The following TBC1D19 variants were observed in gnomAD, a reference collection of about 807,000 sequenced individuals.
TBC1D19 encodes TBC1 domain family, member 19.
A neutral mutation model predicts 89.0 loss-of-function variants in TBC1D19; 60 were observed. The ratio of observed to expected loss-of-function variants is 0.67; its 90% CI spans 0.55 to 0.84. TBC1D19 has a LOEUF of 0.84. TBC1D19 is among the 40% of genes least tolerant of loss of function. The pLI is 0.00. For synonymous variants in TBC1D19, 189 were observed against 199.7 expected (o/e 0.95, Z 0.45); for missense variants, 500 against 610.8 (o/e 0.82, Z 1.91).
intron 10 of TBC1D19, among the ~76,000 whole-genome samples, chr4:26,672,594 C>T (rs1712418454): frequency 1.3e-5 from 2 of 151,998 alleles, no homozygotes. Context: ...TAATGGTTCC[C>T]AGTGACCATT....
rs574363830 is a variant in TBC1D19, at chr4:26,628,245, G to T, written c.294+7557G>T. Among the ~76,000 whole-genome samples, 25 of 152,188 alleles carry T rather than the reference G, an allele frequency of 1.6e-4. No individual in the cohort carries two copies. The South Asian group carries it at 4.8e-3, about 29-fold the overall frequency. On this transcript the variant is annotated intron_variant, in intron 4 of 20. Transcript: ENST00000264866. The stretch of plus-strand genomic sequence containing the variant: ...GGCCCTGTTCTGTTCCATCGATCTA[G>T]ATCTCTGTTTTGGTACCAGTACCAT...
At chr4:26,637,110 A>G in intron 4 of TBC1D19, 101 bp from the exon 5 acceptor site, 1 of 834,976 alleles carries the variant, frequency 1.2e-6, no homozygotes, top group Non-Finnish European at 1.9e-6. Context: ...ACCAATCTCA[A>G]CCAGCCTTAC....
At chr4:26,717,131 G>A (rs1169463514) in intron 13 of TBC1D19, among the ~76,000 whole-genome samples, 1 of 151,962 alleles carries the variant, frequency 6.6e-6, no homozygotes, top group African/African-American at 2.4e-5. Context: ...TGGACACAAG[G>A]ATTTTTCCTC....
intron 11 of TBC1D19, among the ~76,000 whole-genome samples, chr4:26,678,249 G>A (rs757491420): frequency 2.4e-4 from 37 of 152,218 alleles, no homozygotes; most frequent in Non-Finnish European, 5.4e-4. Flanking sequence ...TTATGCTTTA[G>A]CAAAGAGACT....
intron 15 of TBC1D19, among the ~76,000 whole-genome samples, chr4:26,725,224 T>C (rs1384132521): frequency 6.6e-6 from 1 of 152,202 alleles, no homozygotes. Context: ...ACTAAAATTC[T>C]TTCTTCATTA....
At chr4:26,683,029 T>C (rs753129731) in intron 11 of TBC1D19, among the ~76,000 whole-genome samples, 1 of 152,182 alleles carries the variant, frequency 6.6e-6, no homozygotes, top group African/African-American at 2.4e-5. Context: ...CACTGTAACC[T>C]CAAACTCCTG....
At chr4:26,845,016 C>T in the TBC1D19 span, among the ~76,000 whole-genome samples, 1 of 152,066 alleles carries the variant, frequency 6.6e-6, no homozygotes, top group Non-Finnish European at 1.5e-5. Flanking sequence ...TTATAACAGA[C>T]CATTTTCCTA....
intron 13 of TBC1D19, among the ~76,000 whole-genome samples, chr4:26,711,212 G>A (rs1332312093): frequency 6.6e-6 from 1 of 152,106 alleles, no homozygotes; most frequent in East Asian, 1.9e-4. Context: ...TAAGGTGTAA[G>A]GAAGGGATCC....
chr4:26,849,575 C>T, the TBC1D19 span, among the ~76,000 whole-genome samples: 24 of 152,130 alleles, frequency 1.6e-4, no homozygotes, highest in Non-Finnish European at 8.8e-5. Flanking sequence ...AATCTGTCTC[C>T]ATCATTAGAT....
intron 15 of TBC1D19, among the ~76,000 whole-genome samples, chr4:26,724,670 G>C (rs1297178907): frequency 6.6e-6 from 1 of 152,096 alleles, no homozygotes; most frequent in Non-Finnish European, 1.5e-5. Flanking sequence ...CTGGGTATTG[G>C]GGCACTCCTT....
At chr4:26,671,321 T>C (rs936272488) in intron 9 of TBC1D19, among the ~76,000 whole-genome samples, 1 of 151,780 alleles carries the variant, frequency 6.6e-6, no homozygotes, top group African/African-American at 2.4e-5. Flanking sequence ...TTATTGGTCC[T>C]TCAGGTCACT....
intron 1 of TBC1D19, 27 bp from the exon 2 acceptor site, chr4:26,613,142 C>T: frequency 1.4e-6 from 2 of 1,413,772 alleles, no homozygotes; most frequent in Non-Finnish European, 1.9e-6. Flanking sequence ...CCTTATCTTT[C>T]TTTTTTATTA....
At chr4:26,668,961 ATGCAT>A in intron 9 of TBC1D19, among the ~76,000 whole-genome samples, 1 of 147,186 alleles carries the variant, frequency 6.8e-6, no homozygotes, top group African/African-American at 2.5e-5. Context: ...TCTCATGAAC[ATGCAT>A]TGCATTTATT....
intron 7 of TBC1D19, among the ~76,000 whole-genome samples, chr4:26,640,937 T>G (rs1200385107): frequency 2.0e-5 from 3 of 152,214 alleles, no homozygotes; most frequent in African/African-American, 7.2e-5. Context: ...CAACGAGGCC[T>G]GCCTGCCTCT....
the TBC1D19 span, among the ~76,000 whole-genome samples, chr4:26,823,106 C>T: frequency 4.6e-5 from 7 of 152,190 alleles, no homozygotes; most frequent in Non-Finnish European, 1.0e-4. Context: ...CTGGGGAGGC[C>T]TCACAATCAT....
intron 7 of TBC1D19, among the ~76,000 whole-genome samples, chr4:26,644,981 A>G (rs1743815369): frequency 6.6e-6 from 1 of 152,202 alleles, no homozygotes; most frequent in South Asian, 2.1e-4. Context: ...CAAAATCGTG[A>G]AAATGGCCAT....
chr4:26,637,244 A>T lies in TBC1D19; in HGVS notation c.328A>T (p.Asn110Tyr). 1 of 1,610,596 alleles carries T rather than the reference A, an allele frequency of 6.2e-7. No homozygotes were observed. Among genetic ancestry groups the T allele is most frequent in the Non-Finnish European group, 8.5e-7 (1 of 1,178,204 alleles). The change falls in exon 5 of 21, where the codon AAT (asparagine) becomes TAT (tyrosine). Residue 110 changes from asparagine (N) to tyrosine (Y), a missense_variant. Around this residue, in one of 2 missense-constraint regions of TBC1D19, gnomAD observed 280 missense variants for 291.7 expected, o/e 0.96. Coordinates refer to ENST00000264866, the MANE Select transcript of TBC1D19 (RefSeq NM_018317.4). ...GGAAAAAAGAATTTTGAAGAGTTTA[A>T]ATAGTATGTGCACTGAACTGAGTAT... is the stretch of plus-strand genomic sequence containing the variant. The part of the protein sequence containing the change: ...SWEKRILKSL[N>Y]SMCTELSIPL...
Position 26,584,236 on chromosome 4 carries a change from A to G in TBC1D19, c.43A>G (p.Ile15Val). The G allele has an allele frequency of 1.2e-6, 2 of 1,613,046 alleles. No homozygotes were observed. The highest frequency in any genetic ancestry group is 1.7e-6 in the Non-Finnish European group (2 of 1,179,734). ...GGACCTCTCTCTCATTATTGCCCAGATAGTCCAAAAGCTCAAGGGCTCCAA... is the reference window on the plus strand; with the variant it reads ...GGACCTCTCTCTCATTATTGCCCAGGTAGTCCAAAAGCTCAAGGGCTCCAA... The part of the protein sequence containing the change: ...ESDLSLIIAQ[I>V]VQKLKGSNLY... Residue 15 changes from isoleucine to valine, a missense_variant, in exon 1 of 21, where the codon ATA (isoleucine) becomes GTA (valine). By Grantham distance (29) the Ile-to-Val change is conservative. This residue lies in a region of TBC1D19 where 280 missense variants were observed against 291.7 expected (regional missense o/e 0.96). Transcript: ENST00000264866.
chr4:26,704,017 G>T (rs1232650010), intron 13 of TBC1D19, among the ~76,000 whole-genome samples: 1 of 151,522 alleles, frequency 6.6e-6, no homozygotes, highest in Admixed American at 6.6e-5. Flanking sequence ...GGATACGCAG[G>T]CACTTGTTCC....
Sources: gnomAD v4.1 joint callset for allele counts (sites outside exome capture counted in the v4.1 genomes callset) on GRCh38, gnomAD v4.1.1 for gene constraint, gnomAD v4.1.1 regional missense constraint, MANE v1.5 for transcripts, NCBI Gene and HGNC (gene_info 2026-07-23, HGNC 2026-07-21) for gene names.